ARAP2: variants seen among roughly 807,000 people sequenced by gnomAD.
ARAP2 encodes ArfGAP with RhoGAP domain, ankyrin repeat and PH domain 2.
A neutral mutation model predicts 194.5 loss-of-function variants in ARAP2; 148 were observed. That is an observed-to-expected ratio of 0.76 (90% CI 0.67 to 0.87). The LOEUF is 0.87. ARAP2 is among the 40% of genes least tolerant of loss of function. The pLI is 0.00. For synonymous variants in ARAP2, 695 were observed against 683.5 expected (o/e 1.02, Z -0.26); for missense variants, 2,128 against 1,989.7 (o/e 1.07, Z -1.32).
At chr4:36,013,025 T>G (rs565981085) in intron 8 of ARAP2, among the ~76,000 whole-genome samples, 1 of 152,322 alleles carries the variant, frequency 6.6e-6, no homozygotes, top group South Asian at 2.1e-4. Flanking sequence ...AGACTGTTCT[T>G]GTAAAGACTT....
chr4:36,188,336 A>G (rs1741038435), intron 7 of ARAP2, among the ~76,000 whole-genome samples: 1 of 152,194 alleles, frequency 6.6e-6, no homozygotes, highest in African/African-American at 2.4e-5. Flanking sequence ...AGGAGCCTCA[A>G]AATGAAAACC....
chr4:36,178,122 A>T, intron 8 of ARAP2, 117 bp from the exon 9 acceptor site: 1 of 859,084 alleles, frequency 1.2e-6, no homozygotes, highest in Non-Finnish European at 1.7e-6. Flanking sequence ...CTTTCCCACA[A>T]CCACAATCTA....
chr4:36,098,963 G>A (rs1287511798), intron 27 of ARAP2, among the ~76,000 whole-genome samples: 1 of 151,954 alleles, frequency 6.6e-6, no homozygotes, highest in Non-Finnish European at 1.5e-5. Flanking sequence ...ATGTGCCATG[G>A]TGGTTTGCTG....
Position 36,043,853 on chromosome 4 carries a change from GA to G in ARAP2, n.607+2125del, listed in dbSNP as rs1301239504. Among the ~76,000 whole-genome samples the G allele has an allele frequency of 5.6e-5, 3 of 53,686 alleles. 1 individual carries two copies. The highest frequency in any genetic ancestry group is 2.1e-4 in the African/African-American group (3 of 14,258). The allele number at this position is 53,686 out of a possible 152,430, so 35.2% of individuals were successfully genotyped here. On this transcript the variant is annotated intron_variant and non_coding_transcript_variant, in intron 5 of 12. Transcript: ENST00000503225. ...GGGGAGGGGAGGGGAGGGGGGAGGGGAGGGGGGAGGGGAAGGGAAGGGAAAA... is the reference window on the plus strand; with the variant it reads ...GGGGAGGGGAGGGGAGGGGGGAGGGGGGGGGGAGGGGAAGGGAAGGGAAAA...
At chr4:36,225,024 A>G (rs1749991495) in intron 2 of ARAP2, among the ~76,000 whole-genome samples, 1 of 152,190 alleles carries the variant, frequency 6.6e-6, no homozygotes, top group Admixed American at 6.6e-5. Flanking sequence ...CAGAGGAAAA[A>G]TATCCAAGAT....
At chr4:36,111,646 A>G (rs1720012453) in intron 26 of ARAP2, among the ~76,000 whole-genome samples, 1 of 152,036 alleles carries the variant, frequency 6.6e-6, no homozygotes, top group South Asian at 2.1e-4. Flanking sequence ...AAAAAATCCA[A>G]TTCAGTCTTA....
intron 27 of ARAP2, among the ~76,000 whole-genome samples, chr4:36,095,417 T>C (rs924164629): frequency 6.6e-6 from 1 of 152,152 alleles, no homozygotes; most frequent in Admixed American, 6.6e-5. Flanking sequence ...ATTCAGAGAA[T>C]TATAATGACC....
intron 2 of ARAP2, among the ~76,000 whole-genome samples, chr4:36,218,360 T>C (rs931527800): frequency 3.9e-5 from 6 of 151,930 alleles, no homozygotes; most frequent in Non-Finnish European, 5.9e-5. Context: ...AAAAAATAAG[T>C]ATTGGGTACT....
intron 3 of ARAP2, chr4:36,047,344 C>A (rs1419324130): frequency 6.6e-6 from 1 of 152,218 alleles, no homozygotes; most frequent in Non-Finnish European, 1.5e-5. Context: ...TTCATCTGAA[C>A]ATAATTGACA....
Position 36,148,442 on chromosome 4 carries a change from G to A in ARAP2, c.2963C>T (p.Ser988Phe), listed in dbSNP as rs973229313. Residue 988 changes from serine (S) to phenylalanine (F), a missense_variant, in exon 17 of 33, where the codon TCT (serine) becomes TTT (phenylalanine). Physicochemically the swap from Ser to Phe is radical, Grantham distance 155 (BLOSUM62 -2). Transcript: ENST00000303965. Reference sequence around the variant, plus strand: ...CTCTGTCCATTTTCTTTGAGCTTGAGATGTTTCAGCTCCAAATAAAAACAC... The same window carrying A: ...CTCTGTCCATTTTCTTTGAGCTTGAAATGTTTCAGCTCCAAATAAAAACAC... ...ERVFLFGAET[S>F]QAQRKWTEAI... 5 of 1,613,034 alleles carry A rather than the reference G, an allele frequency of 3.1e-6. No homozygotes were observed. The African/African-American group carries it at 4.0e-5, about 13-fold the overall frequency.
At chr4:36,196,168 T>C (rs1578236558) in intron 6 of ARAP2, among the ~76,000 whole-genome samples, 1 of 152,224 alleles carries the variant, frequency 6.6e-6, no homozygotes, top group Admixed American at 6.5e-5. Flanking sequence ...CAACCTATTT[T>C]CACATGTCTT....
intron 13 of ARAP2, 45 bp from the exon 14 acceptor site, chr4:36,159,550 A>G: frequency 7.2e-7 from 1 of 1,389,748 alleles, no homozygotes; most frequent in Non-Finnish European, 9.5e-7. Flanking sequence ...AGAAAATAAG[A>G]TTCTAGCTAT....
intron 9 of ARAP2, among the ~76,000 whole-genome samples, chr4:36,176,861 A>G (rs912463801): frequency 6.6e-6 from 1 of 152,064 alleles, no homozygotes; most frequent in Non-Finnish European, 1.5e-5. Context: ...TTGTTTTGAT[A>G]TTCCTATTTT....
At chr4:36,051,504 C>CAATAAT (rs1297768743) in intron 3 of ARAP2, among the ~76,000 whole-genome samples, 1 of 151,556 alleles carries the variant, frequency 6.6e-6, no homozygotes, top group East Asian at 1.9e-4. Context: ...TAAATAATAA[C>CAATAAT]AATAATAATA....
At position 36,106,507 on chromosome 4, in the gene ARAP2, A is replaced by G. The variant is rs538909273; in HGVS notation, c.4285+1058T>C. The stretch of plus-strand genomic sequence containing the variant: ...AGACAGTGTATTAAATCAGAAGTTT[A>G]TATGATAAGCTTTGGTACAATTAAG... On this transcript the variant is annotated intron_variant, in intron 27 of 32. Transcript: ENST00000303965. 1.1e-4 allele frequency among the ~76,000 whole-genome samples: 17 copies of G among 152,100 alleles called. No homozygotes were observed. The South Asian group carries it at 3.3e-3, about 30-fold the overall frequency.
At position 36,167,015 on chromosome 4, in the gene ARAP2, A is replaced by T. The variant is rs748857104; in HGVS notation, c.1890T>A (p.Ile630=). The T allele has an allele frequency of 1.3e-5, 21 of 1,601,426 alleles. No individual in the cohort carries two copies. Among genetic ancestry groups the T allele is most frequent in the Non-Finnish European group, 1.7e-5 (20 of 1,174,732 alleles). The change falls in exon 10 of 33, where the codon ATT becomes ATA. Residue 630 remains isoleucine (I), a synonymous_variant. Coordinates refer to ENST00000303965, the MANE Select transcript of ARAP2 (RefSeq NM_015230.4). ...GCTTTACATTTGCTACATTCATAGG[A>T]ATTATGGTAATACCAAGTCCACTCT... ...DFKSGLGITI[I]PMNVANVKQV...
intron 31 of ARAP2, among the ~76,000 whole-genome samples, chr4:36,075,589 C>T (rs1728071223): frequency 6.6e-6 from 1 of 152,078 alleles, no homozygotes; most frequent in South Asian, 2.1e-4. Context: ...AATCCACCAC[C>T]ACTCTTCTCA....
At chr4:36,079,980 T>C (rs1275501607) in intron 31 of ARAP2, among the ~76,000 whole-genome samples, 1 of 152,162 alleles carries the variant, frequency 6.6e-6, no homozygotes, top group Admixed American at 6.6e-5. Context: ...CCAAGGAGGC[T>C]GTGGGGCTGG....
downstream of ARAP2, among the ~76,000 whole-genome samples, chr4:36,061,532 C>T (rs1724439606): frequency 6.6e-6 from 1 of 152,144 alleles, no homozygotes; most frequent in Admixed American, 6.5e-5. Context: ...AATCGCACGC[C>T]ATTGTGTATA....
Sources: allele counts gnomAD v4.1 joint callset (sites outside exome capture counted in the v4.1 genomes callset), GRCh38; gene constraint gnomAD v4.1.1; transcripts MANE v1.5; gene names NCBI Gene and HGNC (gene_info 2026-07-23, HGNC 2026-07-21).